TSEN2: variants seen among roughly 807,000 people sequenced by gnomAD.
The protein encoded by TSEN2 is tRNA splicing endonuclease subunit 2.
Under a neutral mutation model 59.2 loss-of-function variants are expected in TSEN2, and 54 were observed. That is an observed-to-expected ratio of 0.91 (90% CI 0.73 to 1.14). The LOEUF (loss-of-function observed/expected upper bound fraction) is 1.14. TSEN2 is among the 50% of genes most tolerant of loss of function. The probability of loss-of-function intolerance (pLI) is 0.00; values close to 1 mark genes in which losing one functional copy is unlikely to be tolerated. For synonymous variants in TSEN2, 195 were observed against 198.2 expected (o/e 0.98, Z 0.14); for missense variants, 636 against 576.2 (o/e 1.10, Z -1.06).
chr3:12,513,967 C>T (rs2055779231), intron 6 of TSEN2, among the ~76,000 whole-genome samples: 1 of 152,188 alleles, frequency 6.6e-6, no homozygotes. Flanking sequence ...GGACTGGGGA[C>T]CTGTCTTTTT....
At position 12,503,716 on chromosome 3, in the gene TSEN2, C is replaced by CATGA. The variant is rs2054533900; in HGVS notation, c.764_767dup (p.Tyr257Ter). 1 of 1,613,822 alleles carries CATGA rather than the reference C, an allele frequency of 6.2e-7. No homozygotes were observed. The highest frequency in any genetic ancestry group is 8.5e-7 in the Non-Finnish European group (1 of 1,179,920). ...GCATCCTGGGGACAGAGGGCCTGACCATGAGTACGTGCTGGTCGAGGAAGC... is the reference window on the plus strand; with the variant it reads ...GCATCCTGGGGACAGAGGGCCTGACCATGAATGAGTACGTGCTGGTCGAGGAAGC... On this transcript the variant is annotated frameshift_variant, in exon 5 of 12. Coordinates refer to ENST00000284995, the MANE Select transcript of TSEN2 (RefSeq NM_025265.4). LOFTEE classifies it high-confidence loss of function.
chr3:12,504,272 G>A (rs1256617047), intron 5 of TSEN2, among the ~76,000 whole-genome samples: 1 of 152,156 alleles, frequency 6.6e-6, no homozygotes, highest in Non-Finnish European at 1.5e-5. Context: ...TTAGAATGAG[G>A]TTTATGAAGT....
At chr3:12,500,862 A>G (rs2054217650) in intron 4 of TSEN2, among the ~76,000 whole-genome samples, 1 of 152,166 alleles carries the variant, frequency 6.6e-6, no homozygotes. Context: ...GCTCTGCTGC[A>G]AAGAGCAGAG....
intron 7 of TSEN2, among the ~76,000 whole-genome samples, chr3:12,517,674 G>A (rs1041880024): frequency 2.0e-5 from 3 of 152,160 alleles, no homozygotes; most frequent in African/African-American, 7.2e-5. Context: ...CCGTTCATGG[G>A]TATTCCAGCC....
chr3:12,498,342 A>G (rs2053959653), intron 4 of TSEN2, among the ~76,000 whole-genome samples: 1 of 152,156 alleles, frequency 6.6e-6, no homozygotes. Context: ...TAAACTATTC[A>G]CTAATAAGCA....
At chr3:12,531,705 A>C (rs1459860956) in intron 11 of TSEN2, 46 bp downstream of exon 11, 1 of 1,242,384 alleles carries the variant, frequency 8.0e-7, no homozygotes, top group Non-Finnish European at 1.2e-6. Flanking sequence ...GATTCTGTGA[A>C]TCATAGTGTA....
intron 11 of TSEN2, 25 bp from the exon 12 acceptor site, chr3:12,532,637 T>C (rs1391215946): frequency 5.6e-6 from 9 of 1,613,398 alleles, no homozygotes; most frequent in African/African-American, 5.3e-5. Context: ...TTTTAAGAAA[T>C]GGTCTTTTTT....
chr3:12,508,655 G>A (rs1007222808), intron 6 of TSEN2, among the ~76,000 whole-genome samples: 12 of 152,186 alleles, frequency 7.9e-5, no homozygotes, highest in African/African-American at 1.2e-4. Flanking sequence ...ATGCGGCCTT[G>A]TAGGGGTGTT....
chr3:12,539,134 T>C, intron 10 of TSEN2: 1 of 442,996 alleles, frequency 2.3e-6, no homozygotes, highest in South Asian at 1.6e-5. Context: ...CATGTGCTTT[T>C]TTCTTTTTTT....
chr3:12,484,013 G>T (rs2052332588), upstream of TSEN2, among the ~76,000 whole-genome samples: 1 of 152,240 alleles, frequency 6.6e-6, no homozygotes, highest in Admixed American at 6.5e-5. Context: ...CTGGCCAGGT[G>T]TCTGCCAGAG....
chr3:12,501,614 CT>C (rs34388768), intron 4 of TSEN2, among the ~76,000 whole-genome samples: 1,691 of 147,144 alleles, frequency 0.011, 32 homozygotes, highest in African/African-American at 0.036. Context: ...CATATTCAGT[CT>C]TTTTTTTTTT....
At chr3:12,534,086 ATTGC>A, downstream of TSEN2, among the ~76,000 whole-genome samples, 1 of 152,150 alleles carries the variant, frequency 6.6e-6, no homozygotes, top group African/African-American at 2.4e-5. Flanking sequence ...TATCCTAAAA[ATTGC>A]ATGCAGTCAG....
intron 11 of TSEN2, among the ~76,000 whole-genome samples, chr3:12,532,279 T>C (rs563423839): frequency 6.6e-6 from 1 of 152,312 alleles, no homozygotes; most frequent in South Asian, 2.1e-4. Context: ...TCCACTAGGC[T>C]AGTTTCTCAT....
At chr3:12,484,167 C>T (rs538591088), upstream of TSEN2, among the ~76,000 whole-genome samples, 1 of 152,268 alleles carries the variant, frequency 6.6e-6, no homozygotes, top group Non-Finnish European at 1.5e-5. Flanking sequence ...TCCCATCCAC[C>T]GAGGGCCGAA....
At chr3:12,505,958 CTG>C (rs996964834) in intron 6 of TSEN2, among the ~76,000 whole-genome samples, 6 of 151,832 alleles carry the variant, frequency 4.0e-5, no homozygotes, top group East Asian at 1.9e-4. Context: ...GAGTGAGACT[CTG>C]TGTCAAACAA....
chr3:12,521,734 G>T (rs530882313), intron 8 of TSEN2, among the ~76,000 whole-genome samples: 3 of 151,970 alleles, frequency 2.0e-5, no homozygotes, highest in Non-Finnish European at 2.9e-5. Flanking sequence ...AAAATAGGCT[G>T]GGCGCGGTGG....
At chr3:12,497,314 A>T (rs987831948) in intron 4 of TSEN2, among the ~76,000 whole-genome samples, 1 of 152,052 alleles carries the variant, frequency 6.6e-6, no homozygotes, top group South Asian at 2.1e-4. Flanking sequence ...CTTCCATGAA[A>T]CCTTATAAAA....
chr3:12,486,764 A>G (rs535548224), intron 1 of TSEN2, among the ~76,000 whole-genome samples: 4 of 151,950 alleles, frequency 2.6e-5, no homozygotes, highest in Admixed American at 6.5e-5. Context: ...ATCTGTCTCT[A>G]TGGATTTGTC....
chr3:12,512,827 G>A lies in TSEN2; in HGVS notation c.910-3784G>A, dbSNP rs2055623330. Reference sequence around the variant, plus strand: ...CAGGGATAATTAGATTGCCATGCCAGTTAGCTAATGTATTCCATTGTTTCA... The same window carrying A: ...CAGGGATAATTAGATTGCCATGCCAATTAGCTAATGTATTCCATTGTTTCA... On this transcript the variant is annotated intron_variant, in intron 6 of 11. Coordinates refer to ENST00000284995, the MANE Select transcript of TSEN2 (RefSeq NM_025265.4). 2.0e-5 allele frequency among the ~76,000 whole-genome samples: 3 copies of A among 152,236 alleles called. No individual in the cohort carries two copies. The South Asian group carries it at 6.2e-4, about 32-fold the overall frequency.
Sources: allele counts gnomAD v4.1 joint callset (sites outside exome capture counted in the v4.1 genomes callset), GRCh38; gene constraint gnomAD v4.1.1; transcripts MANE v1.5; gene names NCBI Gene and HGNC (gene_info 2026-07-23, HGNC 2026-07-21).